The following GNE variants were observed in gnomAD, a reference collection of about 807,000 sequenced individuals.
GNE encodes glucosamine (UDP-N-acetyl)-2-epimerase/N-acetylmannosamine kinase, also known as bifunctional UDP-N-acetylglucosamine 2-epimerase/N-acetylmannosamine kinase.
A neutral mutation model predicts 61.8 loss-of-function variants in GNE; 41 were observed. That is an observed-to-expected ratio of 0.66 (90% CI 0.52 to 0.86). The LOEUF (loss-of-function observed/expected upper bound fraction) is 0.86. Among genes scored for constraint, GNE ranks in the 40% least tolerant of loss-of-function variants. The pLI is 0.00. For synonymous variants in GNE, 264 were observed against 326.4 expected, an observed-to-expected ratio of 0.81 and a Z score of 2.06; for missense variants, 608 against 909.1, an observed-to-expected ratio of 0.67 and a Z score of 4.26.
chr9:36,234,556 G>C (rs756576530), intron 4 of GNE, among the ~76,000 whole-genome samples: 2 of 152,050 alleles, frequency 1.3e-5, no homozygotes, highest in Non-Finnish European at 2.9e-5. Flanking sequence ...ACACTAACAA[G>C]AACTCGGTGG....
At chr9:36,253,869 C>A (rs948570591) in intron 1 of GNE, among the ~76,000 whole-genome samples, 1 of 151,242 alleles carries the variant, frequency 6.6e-6, no homozygotes, top group African/African-American at 2.4e-5. Flanking sequence ...GAAACCCCAT[C>A]TCTACTAAAA....
intron 4 of GNE, 63 bp from the exon 5 acceptor site, chr9:36,234,195 G>A: frequency 8.1e-7 from 1 of 1,240,680 alleles, no homozygotes; most frequent in Non-Finnish European, 1.2e-6. Context: ...ATTTTCATTG[G>A]CAAGTATAGC....
At chr9:36,238,027 G>T (rs1462697105) in intron 3 of GNE, among the ~76,000 whole-genome samples, 1 of 151,726 alleles carries the variant, frequency 6.6e-6, no homozygotes, top group Non-Finnish European at 1.5e-5. Context: ...TTCCATCATA[G>T]ATACAGATAT....
At chr9:36,257,897 T>C (rs1302154198) in intron 1 of GNE, among the ~76,000 whole-genome samples, 2 of 143,228 alleles carry the variant, frequency 1.4e-5, no homozygotes, top group African/African-American at 5.3e-5. Context: ...AGACTCAGAA[T>C]GTAGACTCAG....
chr9:36,269,664 C>CT (rs71336438), intron 1 of GNE, among the ~76,000 whole-genome samples: 9,873 of 134,140 alleles, frequency 0.074, 543 homozygotes, highest in Non-Finnish European at 0.094. Context: ...TTTCTTCTTT[C>CT]TTTTTTTTTT....
intron 3 of GNE, among the ~76,000 whole-genome samples, chr9:36,238,123 T>TACACACACACACAC (rs201513947): frequency 7.7e-6 from 1 of 129,094 alleles, no homozygotes; most frequent in Admixed American, 7.9e-5. Flanking sequence ...TATATATAGA[T>TACACACACACACAC]ACACACACAC....
intron 1 of GNE, among the ~76,000 whole-genome samples, chr9:36,254,620 C>T (rs1399047912): frequency 1.3e-5 from 2 of 151,966 alleles, no homozygotes; most frequent in Non-Finnish European, 2.9e-5. Flanking sequence ...TTACAATGGA[C>T]AGTCTTGAGT....
rs1828376320 is a variant in GNE at position 36,217,470 on chromosome 9, C to G, written c.2064G>C (p.Leu688Phe). The change falls in exon 12 of 12, where the codon TTG (leucine) becomes TTC (phenylalanine). Residue 688 changes from leucine to phenylalanine, a missense_variant. Transcript: ENST00000642385. ...IVKDVIRQQALSSVQDVDVVV... is the reference protein window; with the variant it reads ...IVKDVIRQQAFSSVQDVDVVV... ...CCACATCCACGTCCTGCACGGAGGA[C>G]AAGGCCTGCTGGCGAATGACGTCTT... is the stretch of plus-strand genomic sequence containing the variant. 1 of 1,614,064 alleles carries G rather than the reference C, an allele frequency of 6.2e-7. No individual in the cohort carries two copies. The highest frequency in any genetic ancestry group is 8.5e-7 in the Non-Finnish European group (1 of 1,180,028).
chr9:36,270,603 C>T (rs7850394), intron 1 of GNE, among the ~76,000 whole-genome samples: 6,151 of 151,680 alleles, frequency 0.041, 416 homozygotes, highest in African/African-American at 0.14. Flanking sequence ...CTGCAAGCTC[C>T]GCCTCCTGGG....
chr9:36,274,994 G>T (rs1364032389), intron 1 of GNE, among the ~76,000 whole-genome samples: 1 of 152,170 alleles, frequency 6.6e-6, no homozygotes, highest in Admixed American at 6.5e-5. Context: ...AAAGTGCTGA[G>T]ATTACAGGCG....
chr9:36,220,955 T>C (rs1268056349), intron 9 of GNE, among the ~76,000 whole-genome samples: 2 of 152,252 alleles, frequency 1.3e-5, no homozygotes, highest in East Asian at 3.8e-4. Context: ...GTCACTGCTC[T>C]GAGCCAGGAA....
chr9:36,253,388 G>A (rs1830193889), intron 1 of GNE, among the ~76,000 whole-genome samples: 1 of 150,712 alleles, frequency 6.6e-6, no homozygotes, highest in Non-Finnish European at 1.5e-5. Flanking sequence ...AGATTCTTGT[G>A]CCTCAGCCTC....
intron 5 of GNE, among the ~76,000 whole-genome samples, chr9:36,230,235 G>A (rs1175773907): frequency 6.6e-6 from 1 of 152,176 alleles, no homozygotes; most frequent in African/African-American, 2.4e-5. Flanking sequence ...GAGCCACTGT[G>A]CATGGCTGTC....
At chr9:36,243,224 T>C (rs1183671472) in intron 3 of GNE, among the ~76,000 whole-genome samples, 10 of 152,276 alleles carry the variant, frequency 6.6e-5, no homozygotes, top group African/African-American at 2.4e-4. Context: ...TTTGTATTTT[T>C]TGTAAAGACA....
chr9:36,219,183 G>C (rs965126625), intron 10 of GNE, among the ~76,000 whole-genome samples: 3 of 152,012 alleles, frequency 2.0e-5, no homozygotes, highest in Non-Finnish European at 2.9e-5. Flanking sequence ...CAACAGACGA[G>C]CATACTTCTT....
In GNE at chr9:36,234,246, A is replaced by T; in HGVS notation, c.770-114T>A. 1.2e-5 allele frequency: 10 copies of T among 804,762 alleles called. No homozygotes were observed. In the South Asian group the frequency reaches 1.4e-4, roughly 11 times the overall value. 49.9% of individuals were successfully genotyped at this position (804,762 alleles called of 1,614,324 possible). On this transcript the variant is annotated intron_variant, in intron 4 of 11. Transcript: ENST00000642385. ...TCCCTAAAAAAACCTCACATCAGTT[A>T]TTAGGGAAATAGTAATTTTAACTAC...
chr9:36,276,965 C>T, exon 1 of GNE: 1 of 1,613,218 alleles, frequency 6.2e-7, no homozygotes, highest in Non-Finnish European at 8.5e-7. Flanking sequence ...GAGCTCTGTA[C>T]CCTAGTGTGG....
At chr9:36,249,109 A>T (rs532890268) in intron 2 of GNE, 83 bp downstream of exon 2, 90 of 1,069,544 alleles carry the variant, frequency 8.4e-5, no homozygotes, top group Non-Finnish European at 1.3e-4. Flanking sequence ...CAGGAATTTG[A>T]AGCTGGGCCC....
In GNE at chr9:36,249,278, G is replaced by C. The variant is rs1830022243; in HGVS notation, c.78C>G (p.Ala26=). ...TCNRADYSKL[A]PIMFGIKTEP... ...CGGTTTTAATGCCAAACATGATCGG[G>C]GCAAGTTTAGAATAATCTGCACGGT... Residue 26 remains alanine (A), a synonymous_variant, in exon 2 of 12, where the codon GCC becomes GCG. Coordinates refer to ENST00000642385, the MANE Select transcript of GNE (RefSeq NM_005476.7). 5 of 1,614,020 alleles carry C rather than the reference G, an allele frequency of 3.1e-6. No homozygotes were observed. The highest frequency in any genetic ancestry group is 1.6e-4 in the Middle Eastern group (1 of 6,062).
Sources: allele counts gnomAD v4.1 joint callset (sites outside exome capture counted in the v4.1 genomes callset), GRCh38; gene constraint gnomAD v4.1.1; transcripts MANE v1.5; gene names NCBI Gene and HGNC (gene_info 2026-07-23, HGNC 2026-07-21).